The following WDR64 variants were observed in gnomAD, a reference collection of about 807,000 sequenced individuals.
WDR64 encodes the protein WD repeat-containing protein 64.
WDR64 carries 112 observed loss-of-function variants against 139.3 expected under a neutral mutation model. The ratio of observed to expected loss-of-function variants is 0.80; its 90% CI spans 0.69 to 0.94. The LOEUF (loss-of-function observed/expected upper bound fraction) is 0.94. Among genes scored for constraint, WDR64 ranks in the 40% least tolerant of loss-of-function variants. The pLI is 0.00. For synonymous variants in WDR64, 444 were observed against 437.7 expected, an observed-to-expected ratio of 1.01 and a Z score of -0.18; for missense variants, 1,206 against 1,293.1, an observed-to-expected ratio of 0.93 and a Z score of 1.03.
In WDR64 at chr1:241,802,129, T is replaced by C; in HGVS notation, c.*914T>C. 5.0e-6 allele frequency: 2 copies of C among 397,710 alleles called. No homozygotes were observed. Among genetic ancestry groups the C allele is most frequent in the Non-Finnish European group, 8.9e-6 (2 of 225,740 alleles). The allele number at this position is 397,710 out of a possible 1,614,324, so 24.6% of individuals were successfully genotyped here. A position where few individuals can be genotyped will look rare whatever the true frequency, so the allele number is the denominator to read the frequency against. ...GTTTTATAAAGTTATTAATAATAAC[T>C]CAAAAAAGGAAAAAGCCTAGTTTCC... On this transcript the variant is annotated 3_prime_UTR_variant, in exon 28 of 28. Coordinates refer to ENST00000437684, the MANE Select transcript of WDR64 (RefSeq NM_001367482.1).
intron 25 of WDR64, among the ~76,000 whole-genome samples, 186 bp downstream of exon 25, chr1:241,790,882 G>A (rs76062741): frequency 0.089 from 13,576 of 152,098 alleles, 806 homozygotes; most frequent in Admixed American, 0.15. Flanking sequence ...GAGGCCAAAA[G>A]TTCTACATGG....
At chr1:241,674,434 T>C (rs968774587) in intron 3 of WDR64, among the ~76,000 whole-genome samples, 1 of 151,932 alleles carries the variant, frequency 6.6e-6, no homozygotes, top group Non-Finnish European at 1.5e-5. Flanking sequence ...TTTTGTGTTT[T>C]TGGTAGAGAT....
chr1:241,706,231 G>A (rs967068688), intron 8 of WDR64, among the ~76,000 whole-genome samples: 5 of 152,214 alleles, frequency 3.3e-5, no homozygotes, highest in East Asian at 1.9e-4. Flanking sequence ...GGAGGAACCC[G>A]CCACAGAGTG....
At chr1:241,787,125 C>T (rs888185549) in intron 23 of WDR64, among the ~76,000 whole-genome samples, 5 of 150,546 alleles carry the variant, frequency 3.3e-5, no homozygotes, top group Admixed American at 6.6e-5. Context: ...GAGCCCGAGG[C>T]GGGTGGATCA....
At position 241,795,193 on chromosome 1, in the gene WDR64, C is replaced by A; in HGVS notation, c.2998-14C>A. 6.2e-7 allele frequency: 1 copy of A among 1,612,108 alleles called. No homozygotes were observed. The highest frequency in any genetic ancestry group is 8.5e-7 in the Non-Finnish European group (1 of 1,178,778). The stretch of plus-strand genomic sequence containing the variant: ...GTGCCCCTTTCATTAAACATTCATC[C>A]CTTTGTTTTGCAGATTCGAAGATAT... On this transcript the variant is annotated splice_polypyrimidine_tract_variant and intron_variant, in intron 25 of 27. Coordinates refer to ENST00000437684, the MANE Select transcript of WDR64 (RefSeq NM_001367482.1).
Position 241,679,515 on chromosome 1 carries a change from C to T in WDR64, c.544C>T (p.Leu182Phe). Residue 182 changes from leucine (L) to phenylalanine (F), a missense_variant, in exon 6 of 28, where the codon CTC becomes TTC. By Grantham distance (22) the Leu-to-Phe change is conservative. Transcript: ENST00000437684. ...CTCCTGGATTACAGGGTGTGATTACCTCTTGCAGCTGAAACGAATCGTAGC... is the reference window on the plus strand; with the variant it reads ...CTCCTGGATTACAGGGTGTGATTACTTCTTGCAGCTGAAACGAATCGTAGC... ...DTSWITGCDY[L>F]LQLKRIVATT... 1 of 1,551,788 alleles carries T rather than the reference C, an allele frequency of 6.4e-7. No homozygotes were observed. Among genetic ancestry groups the T allele is most frequent in the East Asian group, 2.4e-5 (1 of 40,906 alleles).
chr1:241,673,037 G>T (rs1452079886), intron 3 of WDR64, among the ~76,000 whole-genome samples: 1 of 152,102 alleles, frequency 6.6e-6, no homozygotes, highest in Admixed American at 6.5e-5. Context: ...GTCCTTTGTA[G>T]GGACGTGGAT....
chr1:241,660,906 A>G (rs945201393), intron 2 of WDR64, among the ~76,000 whole-genome samples: 6 of 152,150 alleles, frequency 3.9e-5, no homozygotes, highest in Non-Finnish European at 8.8e-5. Flanking sequence ...GCCAGTAGGA[A>G]GAGCTATACA....
intron 20 of WDR64, among the ~76,000 whole-genome samples, chr1:241,774,276 A>G (rs919050939): frequency 4.6e-5 from 7 of 152,248 alleles, no homozygotes; most frequent in African/African-American, 1.7e-4. Flanking sequence ...TAAGTGTACC[A>G]GTAGATCCTA....
chr1:241,799,519 T>C (rs1237128935), intron 27 of WDR64, among the ~76,000 whole-genome samples: 2 of 152,176 alleles, frequency 1.3e-5, no homozygotes, highest in Non-Finnish European at 2.9e-5. Context: ...CAGTATGATA[T>C]TGTGCATTTG....
chr1:241,736,615 C>T (rs988634804), intron 10 of WDR64, among the ~76,000 whole-genome samples: 7 of 152,052 alleles, frequency 4.6e-5, no homozygotes, highest in Admixed American at 1.3e-4. Flanking sequence ...AGGGTAGGAG[C>T]AGTATGACGC....
At chr1:241,684,027 A>G (rs977883545) in intron 7 of WDR64, among the ~76,000 whole-genome samples, 1 of 152,270 alleles carries the variant, frequency 6.6e-6, no homozygotes, top group African/African-American at 2.4e-5. Context: ...TCGTGAAAAA[A>G]ACTATAAAAG....
chr1:241,683,168 T>G (rs1171156880), intron 6 of WDR64, among the ~76,000 whole-genome samples: 2 of 152,212 alleles, frequency 1.3e-5, no homozygotes, highest in Non-Finnish European at 2.9e-5. Context: ...AACCTTGTTA[T>G]GCTTACTTTA....
At position 241,787,859 on chromosome 1, in the gene WDR64, G is replaced by A. The variant is rs370908434; in HGVS notation, c.2716G>A (p.Ala906Thr). 16 of 1,581,082 alleles carry A rather than the reference G, an allele frequency of 1.0e-5. 1 individual carries two copies. Among genetic ancestry groups the A allele is most frequent in the Middle Eastern group, 1.7e-4 (1 of 5,906 alleles). The part of the protein sequence containing the change: ...SIDGSVRLWH[A>T]LNGHYCGYFG... ...TTTTCCTTCCCTCAGGCTCTGGCAT[G>A]CCCTCAATGGACATTATTGTGGATA... Residue 906 changes from alanine to threonine, a missense_variant, in exon 24 of 28, where the codon GCC becomes ACC. Transcript: ENST00000437684.
chr1:241,735,529 C>CTT (rs1669266855), intron 10 of WDR64, among the ~76,000 whole-genome samples: 1 of 98,686 alleles, frequency 1.0e-5, no homozygotes, highest in African/African-American at 4.5e-5. Context: ...CTCTCTCTCT[C>CTT]TCTCTTTTTT....
chr1:241,738,377 G>A lies in WDR64; in HGVS notation c.1209G>A (p.Trp403Ter), dbSNP rs148636981. 1 of 1,613,310 alleles carries A rather than the reference G, an allele frequency of 6.2e-7. No homozygotes were observed. The highest frequency in any genetic ancestry group is 8.5e-7 in the Non-Finnish European group (1 of 1,179,684). ...SLSSAKVFRV[W>*]DIQTLSLLQV... ...TATTCTTCCAGGTTTTCCGGGTGTG[G>A]GATATACAAACTCTTTCACTATTAC... The change falls in exon 11 of 28, where the codon TGG becomes TGA. Residue 403 changes from tryptophan to a stop codon, truncating the protein, a stop_gained. Transcript: ENST00000437684. LOFTEE classifies it high-confidence loss of function.
chr1:241,753,935 A>T (rs570974452), intron 14 of WDR64, among the ~76,000 whole-genome samples: 1 of 152,298 alleles, frequency 6.6e-6, no homozygotes, highest in African/African-American at 2.4e-5. Flanking sequence ...TAAAAATAAA[A>T]GCTTGTCTAA....
intron 16 of WDR64, among the ~76,000 whole-genome samples, chr1:241,768,247 A>AC (rs775449514): frequency 1.3e-5 from 2 of 152,244 alleles, no homozygotes; most frequent in Non-Finnish European, 2.9e-5. Context: ...TCCTATAGGC[A>AC]GATGATTATA....
chr1:241,781,522 A>T (rs536027832), intron 22 of WDR64, among the ~76,000 whole-genome samples: 2 of 152,324 alleles, frequency 1.3e-5, no homozygotes, highest in South Asian at 4.1e-4. Flanking sequence ...GTCAGTCTAG[A>T]AAAAAAGGTT....
Sources: allele counts gnomAD v4.1 joint callset (sites outside exome capture counted in the v4.1 genomes callset), GRCh38; gene constraint gnomAD v4.1.1; transcripts MANE v1.5; gene names NCBI Gene and HGNC (gene_info 2026-07-23, HGNC 2026-07-21).